Variants in SPINT4 observed in about 807,000 individuals in gnomAD.
The protein encoded by SPINT4 is kunitz-type protease inhibitor 4.
Under a neutral mutation model 9.4 loss-of-function variants are expected in SPINT4, and 7 were observed. The observed-to-expected ratio is 0.74, with a 90% CI of 0.42 to 1.40. The LOEUF is 1.40. Among genes scored for constraint, SPINT4 ranks in the 40% most tolerant of loss-of-function variants. The pLI is 0.01. For synonymous variants in SPINT4, 36 were observed against 39.9 expected (o/e 0.90, Z 0.37); for missense variants, 105 against 114.4 (o/e 0.92, Z 0.37).
In SPINT4 at chr20:45,724,060, A is replaced by G; in HGVS notation, c.293+3A>G. On this transcript the variant is annotated splice_donor_region_variant and intron_variant, in intron 2 of 2. Transcript: ENST00000279058. ...TGTGTTGCAAAATACAAACCACCGT[A>G]AGGAATCTAATCCTGTCCTTGGTCC... 6.2e-7 allele frequency: 1 copy of G among 1,604,464 alleles called. No homozygotes were observed. The highest frequency in any genetic ancestry group is 8.5e-7 in the Non-Finnish European group (1 of 1,177,218).
At chr20:45,725,491 C>A in intron 2 of SPINT4, 138 bp from the exon 3 acceptor site, 2 of 870,782 alleles carry the variant, frequency 2.3e-6, no homozygotes, top group Non-Finnish European at 3.8e-6. Flanking sequence ...AAAGATTAAT[C>A]AATAAAATAA....
Position 45,725,762 on chromosome 20 carries a change from C to T in SPINT4, c.*127C>T. The T allele has an allele frequency of 7.9e-7, 1 of 1,263,022 alleles. No individual in the cohort carries two copies. Among genetic ancestry groups the T allele is most frequent in the Non-Finnish European group, 1.1e-6 (1 of 871,380 alleles). 78.2% of individuals were successfully genotyped at this position (1,263,022 alleles called of 1,614,324 possible). On this transcript the variant is annotated 3_prime_UTR_variant, in exon 3 of 3. Coordinates refer to ENST00000279058, the MANE Select transcript of SPINT4 (RefSeq NM_178455.3). ...TAAGCTTCCATATGTTTGCTATTTT[C>T]CTGACCCTAGTTTTGTCTTTCCTGG...
chr20:45,723,885 T>C lies in SPINT4; in HGVS notation c.121T>C (p.Cys41Arg). 2 of 1,588,562 alleles carry C rather than the reference T, an allele frequency of 1.3e-6. No individual in the cohort carries two copies. The highest frequency in any genetic ancestry group is 1.7e-6 in the Non-Finnish European group (2 of 1,172,142). The change falls in exon 2 of 3, where the codon TGC becomes CGC. Residue 41 changes from cysteine to arginine, a missense_variant. Cys to Arg is a radical substitution (Grantham distance 180, BLOSUM62 -3). Transcript: ENST00000279058. ...AATGGGAACCTCTCATGCAGATCCC[T>C]GCAAATTGGACATGAATTTTGGAAG... is the stretch of plus-strand genomic sequence containing the variant. Reference protein sequence around the residue: ...EKICGDLKDPCKLDMNFGSCY... With the variant: ...EKICGDLKDPRKLDMNFGSCY...
intron 2 of SPINT4, among the ~76,000 whole-genome samples, chr20:45,725,015 T>TACAC (rs1188470014): frequency 8.8e-6 from 1 of 113,512 alleles, no homozygotes; most frequent in Non-Finnish European, 1.7e-5. Flanking sequence ...TATATATATA[T>TACAC]ATATATATAT....
At position 45,724,995 on chromosome 20, in the gene SPINT4, A is replaced by AATATATAT. The variant is rs1156730831; in HGVS notation, c.294-609_294-602dup. Among the ~76,000 whole-genome samples the AATATATAT allele has an allele frequency of 2.3e-3, 82 of 36,418 alleles. 3 individuals carry two copies. Among genetic ancestry groups the AATATATAT allele is most frequent in the Non-Finnish European group, 3.1e-3 (72 of 23,320 alleles). The allele number at this position is 36,418 out of a possible 152,430, so 23.9% of individuals were successfully genotyped here. On this transcript the variant is annotated intron_variant, in intron 2 of 2. Transcript: ENST00000279058. ...ACTCCATCTCAAAAAAAAAAAAAAA[A>AATATATAT]ATATATATATATATATATATATATA...
At chr20:45,724,421 T>C (rs1215582726) in intron 2 of SPINT4, among the ~76,000 whole-genome samples, 1 of 147,750 alleles carries the variant, frequency 6.8e-6, no homozygotes, top group East Asian at 2.1e-4. Flanking sequence ...CCGGGAGGGT[T>C]CAAGAAGTTC....
chr20:45,725,545 A>C lies in SPINT4; in HGVS notation c.294-84A>C. The C allele has an allele frequency of 3.4e-6, 5 of 1,462,402 alleles. 1 individual carries two copies. The highest frequency in any genetic ancestry group is 4.8e-6 in the Non-Finnish European group (5 of 1,042,070). 90.6% of individuals were successfully genotyped at this position (1,462,402 alleles called of 1,614,324 possible). On this transcript the variant is annotated intron_variant, in intron 2 of 2. Coordinates refer to ENST00000279058, the MANE Select transcript of SPINT4 (RefSeq NM_178455.3). ...AGGCATCCTCTGTGCTTTCCCTAGG[A>C]TAAAAAATGACCTGCATTAATCCAG...
chr20:45,724,076 T>C lies in SPINT4; in HGVS notation c.293+19T>C. 1 of 1,587,982 alleles carries C rather than the reference T, an allele frequency of 6.3e-7. No individual in the cohort carries two copies. Among genetic ancestry groups the C allele is most frequent in the Non-Finnish European group, 8.5e-7 (1 of 1,171,588 alleles). ...AACCACCGTAAGGAATCTAATCCTG[T>C]CCTTGGTCCTTGGGGGTAGTAAAAG... is the stretch of plus-strand genomic sequence containing the variant. On this transcript the variant is annotated intron_variant, in intron 2 of 2. Transcript: ENST00000279058.
In SPINT4 at chr20:45,723,784, A is replaced by T. The variant is rs146246677; in HGVS notation, c.116-96A>T. ...AGTCCTTGAATATGAGAATAGTTCC[A>T]GGCTAAACGTAGGAATTTTTAAGGG... is the stretch of plus-strand genomic sequence containing the variant. On this transcript the variant is annotated intron_variant, in intron 1 of 2. Coordinates refer to ENST00000279058, the MANE Select transcript of SPINT4 (RefSeq NM_178455.3). 434 of 1,003,926 alleles carry T rather than the reference A, an allele frequency of 4.3e-4. 7 individuals are homozygous for T. The East Asian group carries it at 7.9e-3, about 18-fold the overall frequency. The allele number at this position is 1,003,926 out of a possible 1,614,324, so 62.2% of individuals were successfully genotyped here.
intron 2 of SPINT4, among the ~76,000 whole-genome samples, chr20:45,725,013 T>TATATACACAC (rs57013944): frequency 0.015 from 748 of 49,502 alleles, 162 homozygotes; most frequent in African/African-American, 0.11. Flanking sequence ...TATATATATA[T>TATATACACAC]ATATATATAT....
At chr20:45,724,993 A>ATATAT (rs1303222283) in intron 2 of SPINT4, among the ~76,000 whole-genome samples, 4 of 38,556 alleles carry the variant, frequency 1.0e-4, no homozygotes, top group Non-Finnish European at 1.3e-4. Context: ...AAAAAAAAAA[A>ATATAT]AAATATATAT....
At chr20:45,722,808 A>G (rs1817602236) in intron 1 of SPINT4, among the ~76,000 whole-genome samples, 1 of 152,120 alleles carries the variant, frequency 6.6e-6, no homozygotes, top group South Asian at 2.1e-4. Context: ...TTGGGATGAG[A>G]GAGAAAGGGG....
chr20:45,725,529 C>A, intron 2 of SPINT4, 100 bp from the exon 3 acceptor site: 1 of 1,266,288 alleles, frequency 7.9e-7, no homozygotes, highest in Non-Finnish European at 1.2e-6. Flanking sequence ...AAGGCATCCT[C>A]TGTGCTTTCC....
At chr20:45,724,086 T>G in intron 2 of SPINT4, 29 bp downstream of exon 2, 3 of 1,572,116 alleles carry the variant, frequency 1.9e-6, no homozygotes, top group Non-Finnish European at 2.6e-6. Flanking sequence ...TCCTTGGTCC[T>G]TGGGGGTAGT....
At chr20:45,722,607 A>G in intron 1 of SPINT4, 125 bp downstream of exon 1, 1 of 698,614 alleles carries the variant, frequency 1.4e-6, no homozygotes. Context: ...ACCCATAGAC[A>G]CTTAGTCCCT....
rs1568682591 is a variant in SPINT4 at position 45,724,998 on chromosome 20, ATAT to A, written c.294-630_294-628del. On this transcript the variant is annotated intron_variant, in intron 2 of 2. Coordinates refer to ENST00000279058, the MANE Select transcript of SPINT4 (RefSeq NM_178455.3). ...CCATCTCAAAAAAAAAAAAAAAAAT[ATAT>A]ATATATATATATATATATATATATA... Among the ~76,000 whole-genome samples the A allele has an allele frequency of 4.2e-4, 39 of 92,640 alleles. 2 individuals are homozygous for A. The East Asian group carries it at 0.011, about 25-fold the overall frequency. The allele number at this position is 92,640 out of a possible 152,430, so 60.8% of individuals were successfully genotyped here.
chr20:45,724,915 G>T (rs1984896628), intron 2 of SPINT4, among the ~76,000 whole-genome samples: 1 of 138,184 alleles, frequency 7.2e-6, no homozygotes. Context: ...GGGAGGCGGA[G>T]CTTGCAGTGA....
At chr20:45,723,503 T>A (rs1984851426) in intron 1 of SPINT4, among the ~76,000 whole-genome samples, 1 of 152,062 alleles carries the variant, frequency 6.6e-6, no homozygotes, top group African/African-American at 2.4e-5. Context: ...ATGTCCTATG[T>A]GGGCAATTAA....
rs80206193 is a variant in SPINT4 at position 45,725,673 on chromosome 20, C to A, written c.*38C>A. On this transcript the variant is annotated 3_prime_UTR_variant, in exon 3 of 3. Coordinates refer to ENST00000279058, the MANE Select transcript of SPINT4 (RefSeq NM_178455.3). ...TCATGAAGTTGTCTGCTGCACCATC[C>A]GAAATAAAGACACAAGAAAATTCAG... 3 of 1,611,212 alleles carry A rather than the reference C, an allele frequency of 1.9e-6. No homozygotes were observed. The highest frequency in any genetic ancestry group is 1.3e-5 in the African/African-American group (1 of 74,804).
Sources: gnomAD v4.1 joint callset for allele counts (sites outside exome capture counted in the v4.1 genomes callset) on GRCh38, gnomAD v4.1.1 for gene constraint, MANE v1.5 for transcripts, NCBI Gene and HGNC (gene_info 2026-07-23, HGNC 2026-07-21) for gene names.